AFF2: variants seen among roughly 807,000 people sequenced by gnomAD.
AFF2 encodes the protein AF4/FMR2 family member 2.
A neutral mutation model predicts 76.9 loss-of-function variants in AFF2; 14 were observed. That is an observed-to-expected ratio of 0.18 (90% CI 0.12 to 0.28). The LOEUF (loss-of-function observed/expected upper bound fraction) is 0.28. Among genes scored for constraint, AFF2 ranks in the 10% least tolerant of loss-of-function variants. AFF2 has a pLI of 1.00. For missense variants in AFF2, 868 were observed against 1,001.1 expected (o/e 0.87, Z 1.79); for synonymous variants, 398 against 366.7 (o/e 1.09, Z -0.98).
In AFF2 at chrX:148,998,872, C is replaced by G. The variant is rs781808740; in HGVS notation, c.*7540C>G. ...TCTCTCTCTCTCCCCCTCTCTCTCT[C>G]TCTCCTCTATTCTTTCCTCCTTCCC... On this transcript the variant is annotated 3_prime_UTR_variant, in exon 21 of 21. Coordinates refer to ENST00000370460, the MANE Select transcript of AFF2 (RefSeq NM_002025.4). The G allele has an allele frequency of 9.2e-6, 1 of 109,243 alleles. No individual in the cohort carries two copies. The highest frequency in any genetic ancestry group is 1.9e-5 in the Non-Finnish European group (1 of 52,495). 9.0% of individuals were successfully genotyped at this position (109,243 alleles called of 1,213,427 possible).
Position 148,993,725 on chromosome X carries a change from T to A in AFF2, c.*2393T>A, listed in dbSNP as rs1281840063. ...ATCTCTGGTGACTGAGTGTAAAATA[T>A]GTGCCAAGTCTGCAGCACAGTGACC... On this transcript the variant is annotated 3_prime_UTR_variant, in exon 21 of 21. Transcript: ENST00000370460. 8.9e-6 allele frequency: 1 copy of A among 112,157 alleles called. No individual in the cohort carries two copies. Among genetic ancestry groups the A allele is most frequent in the African/African-American group, 3.2e-5 (1 of 30,841 alleles). 9.2% of individuals were successfully genotyped at this position (112,157 alleles called of 1,213,427 possible).
At chrX:148,733,630 A>G (rs1280132025) in intron 3 of AFF2, among the ~76,000 whole-genome samples, 4 of 111,780 alleles carry the variant, frequency 3.6e-5, no homozygotes, top group Non-Finnish European at 7.5e-5. Context: ...CAAAAGCCAT[A>G]CTTTCTGAAA....
Position 148,999,846 on chromosome X carries a change from T to G in AFF2, c.*8514T>G, listed in dbSNP as rs942899413. On this transcript the variant is annotated 3_prime_UTR_variant, in exon 21 of 21. Transcript: ENST00000370460. ...GACTTTGTGATGAAAAAGGCTCTGT[T>G]AAAATCCAATTGAGTTTCCAAGAGG... 3 of 112,184 alleles carry G rather than the reference T, an allele frequency of 2.7e-5. No individual in the cohort carries two copies. Among genetic ancestry groups the G allele is most frequent in the African/African-American group, 9.7e-5 (3 of 30,861 alleles). The allele number at this position is 112,184 out of a possible 1,213,427, so 9.2% of individuals were successfully genotyped here. A position where few individuals can be genotyped will look rare whatever the true frequency, so the allele number is the denominator to read the frequency against.
intron 9 of AFF2, 92 bp downstream of exon 9, chrX:148,904,350 G>T (rs964850481): frequency 2.1e-5 from 12 of 563,631 alleles, no homozygotes; most frequent in Non-Finnish European, 2.9e-5. Context: ...CTTGGATTTT[G>T]AGTTAATCTC....
At chrX:148,879,790 CT>C (rs782206549) in intron 7 of AFF2, among the ~76,000 whole-genome samples, 219 of 89,609 alleles carry the variant, frequency 2.4e-3, no homozygotes, top group Non-Finnish European at 4.1e-3. Flanking sequence ...AAAAAAAAAA[CT>C]GTTCTAAAAT....
At chrX:148,564,935 G>T (rs1557241407) in intron 1 of AFF2, among the ~76,000 whole-genome samples, 1 of 112,183 alleles carries the variant, frequency 8.9e-6, no homozygotes, top group African/African-American at 3.2e-5. Context: ...GTTTCTTATT[G>T]TCTTCCTCTG....
rs918791445 is a variant in AFF2, at chrX:148,753,882, C to T, written c.1042-55994C>T. ...CTGGCCTGTTGCTTAGCCTTTCAGA[C>T]ATCTCTCCCATTCCTTCTGAATACA... On this transcript the variant is annotated intron_variant, in intron 3 of 20. Coordinates refer to ENST00000370460, the MANE Select transcript of AFF2 (RefSeq NM_002025.4). Among the ~76,000 whole-genome samples the T allele has an allele frequency of 3.5e-4, 39 of 111,936 alleles. No individual in the cohort carries two copies. In the Middle Eastern group the frequency reaches 0.014, roughly 40 times the overall value.
chrX:148,976,038 A>T (rs2072321682), intron 16 of AFF2, among the ~76,000 whole-genome samples: 1 of 107,619 alleles, frequency 9.3e-6, no homozygotes, highest in Non-Finnish European at 1.9e-5. Context: ...TCTTTTAATT[A>T]TTCACGAAAA....
chrX:148,971,747 C>CTTTTTTTTTTTTTTTTTTTTTTGT, intron 15 of AFF2, among the ~76,000 whole-genome samples: 1 of 44,728 alleles, frequency 2.2e-5, no homozygotes, highest in Non-Finnish European at 3.8e-5. Flanking sequence ...TTTTCTATTT[C>CTTTTTTTTTTTTTTTTTTTTTTGT]TTTTTTTTTT....
chrX:148,805,220 C>T (rs947567668), intron 3 of AFF2, among the ~76,000 whole-genome samples: 11 of 111,538 alleles, frequency 9.9e-5, no homozygotes, highest in African/African-American at 3.6e-4. Flanking sequence ...TATTGGTTAA[C>T]TGGGCCCAGT....
chrX:148,719,277 G>C (rs1226462477), intron 3 of AFF2: 2 of 988,595 alleles, frequency 2.0e-6, no homozygotes, highest in Admixed American at 2.6e-5. Context: ...TCAGCCAAAG[G>C]CTTAACAAGT....
At position 148,809,876 on chromosome X, in the gene AFF2, G is replaced by T. The variant is rs782417673; in HGVS notation, c.1042G>T (p.Val348Leu). The part of the protein sequence containing the change: ...PKFTILQTSE[V>L]SLPSDPSCVE... ...ATGTTTTCTGTTTATTTTGTTTCAG[G>T]TAAGCCTTCCCAGTGATCCAAGCTG... Residue 348 changes from valine (V) to leucine (L), a missense_variant and splice_region_variant, in exon 4 of 21, where the codon GTA becomes TTA. Transcript: ENST00000370460. 1 of 1,210,193 alleles carries T rather than the reference G, an allele frequency of 8.3e-7. No individual in the cohort carries two copies. The highest frequency in any genetic ancestry group is 1.8e-5 in the South Asian group (1 of 56,714).
At chrX:148,864,276 T>A (rs1267467091) in intron 7 of AFF2, among the ~76,000 whole-genome samples, 1 of 112,332 alleles carries the variant, frequency 8.9e-6, no homozygotes, top group Non-Finnish European at 1.9e-5. Flanking sequence ...TCCAACTCAG[T>A]GACTTGAGAT....
chrX:148,563,278 G>A (rs2053134156), intron 1 of AFF2, among the ~76,000 whole-genome samples: 1 of 112,203 alleles, frequency 8.9e-6, no homozygotes, highest in Non-Finnish European at 1.9e-5. Context: ...CCTGCAATGG[G>A]AAGCGTTTGG....
At chrX:148,538,333 T>A (rs1462675495) in intron 1 of AFF2, among the ~76,000 whole-genome samples, 2 of 111,875 alleles carry the variant, frequency 1.8e-5, no homozygotes, top group Non-Finnish European at 3.8e-5. Flanking sequence ...AGTCTCTGCT[T>A]CAGTGTGTCT....
At chrX:148,768,678 A>G (rs1358419117) in intron 3 of AFF2, among the ~76,000 whole-genome samples, 1 of 112,354 alleles carries the variant, frequency 8.9e-6, no homozygotes, top group Non-Finnish European at 1.9e-5. Context: ...ATAGAGAATA[A>G]ATTAAAATTA....
rs368959552 is a variant in AFF2 at position 148,685,055 on chromosome X, G to A, written c.1041+22287G>A. Among the ~76,000 whole-genome samples, 14 of 112,093 alleles carry A rather than the reference G, an allele frequency of 1.2e-4. No homozygotes were observed. The East Asian group carries it at 1.7e-3, about 13-fold the overall frequency. ...AGTAGCATAACTCAGGCTGGATTCCGCAGTAGACATCCCTGACTATAGACA... is the reference window on the plus strand; with the variant it reads ...AGTAGCATAACTCAGGCTGGATTCCACAGTAGACATCCCTGACTATAGACA... On this transcript the variant is annotated intron_variant, in intron 3 of 20. Coordinates refer to ENST00000370460, the MANE Select transcript of AFF2 (RefSeq NM_002025.4).
At chrX:148,732,222 C>T (rs241092) in intron 3 of AFF2, among the ~76,000 whole-genome samples, 2 of 89,464 alleles carry the variant, frequency 2.2e-5, no homozygotes, top group Admixed American at 1.2e-4. Flanking sequence ...GGCACATATA[C>T]ACCATGGAAT....
At chrX:148,784,861 C>T (rs1489266581) in intron 3 of AFF2, among the ~76,000 whole-genome samples, 1 of 111,270 alleles carries the variant, frequency 9.0e-6, no homozygotes, top group Non-Finnish European at 1.9e-5. Context: ...AAGCGGCTCC[C>T]AAACGGCTCA....
Sources: allele counts gnomAD v4.1 joint callset (sites outside exome capture counted in the v4.1 genomes callset), GRCh38; gene constraint gnomAD v4.1.1; transcripts MANE v1.5; gene names NCBI Gene and HGNC (gene_info 2026-07-23, HGNC 2026-07-21).